Variants in REV3L observed in about 807,000 individuals in gnomAD.
The protein encoded by REV3L is REV3 like, DNA directed polymerase zeta catalytic subunit, also known as DNA polymerase zeta catalytic subunit.
Under a neutral mutation model 299.4 loss-of-function variants are expected in REV3L, and 69 were observed. That is an observed-to-expected ratio of 0.23 (90% CI 0.19 to 0.28). The LOEUF (loss-of-function observed/expected upper bound fraction) is 0.28, where lower values mean the gene tolerates loss of function less well. Ranked by LOEUF, REV3L falls within the 10% of genes least tolerant of loss-of-function variation. REV3L has a pLI of 1.00. For synonymous variants in REV3L, 1,238 were observed against 1,271.4 expected (o/e 0.97, Z 0.56); for missense variants, 3,128 against 3,693.8 (o/e 0.85, Z 3.97).
chr6:111,473,522 T>A (rs546721613), intron 1 of REV3L, among the ~76,000 whole-genome samples: 1,911 of 152,102 alleles, frequency 0.013, 26 homozygotes, highest in Non-Finnish European at 0.017. Flanking sequence ...CCTAAACTCC[T>A]TTTGCTATAA....
chr6:111,357,287 T>C (rs966058367), intron 17 of REV3L, among the ~76,000 whole-genome samples, 162 bp from the exon 18 acceptor site: 48 of 152,166 alleles, frequency 3.2e-4, no homozygotes, highest in Admixed American at 3.1e-3. Context: ...TAACTCAATG[T>C]CTTTAAAAAA....
At chr6:111,452,514 T>G (rs910638836) in intron 1 of REV3L, among the ~76,000 whole-genome samples, 2 of 152,136 alleles carry the variant, frequency 1.3e-5, no homozygotes, top group African/African-American at 4.8e-5. Flanking sequence ...AAACATTAAC[T>G]CATACGACAA....
chr6:111,377,851 A>T lies in REV3L; in HGVS notation c.1455-8T>A, dbSNP rs1266790021. On this transcript the variant is annotated splice_region_variant and splice_polypyrimidine_tract_variant and intron_variant, in intron 11 of 31. Coordinates refer to ENST00000368802, the MANE Select transcript of REV3L (RefSeq NM_001372078.1). ...GTATTTCTGCACAGTGATCTGGAGAACATTAAAATTCACTGGTGAGCATGA... is the reference window on the plus strand; with the variant it reads ...GTATTTCTGCACAGTGATCTGGAGATCATTAAAATTCACTGGTGAGCATGA... The T allele has an allele frequency of 1.9e-6, 3 of 1,602,822 alleles. No individual in the cohort carries two copies. Among genetic ancestry groups the T allele is most frequent in the Non-Finnish European group, 2.6e-6 (3 of 1,176,004 alleles).
upstream of REV3L, chr6:111,483,313 G>T: frequency 2.1e-6 from 1 of 485,870 alleles, no homozygotes; most frequent in South Asian, 3.1e-5. Flanking sequence ...GAAAAGGAGC[G>T]AGAGGGCGGG....
chr6:111,420,649 T>A (rs1358382723), intron 1 of REV3L, among the ~76,000 whole-genome samples: 1 of 152,168 alleles, frequency 6.6e-6, no homozygotes, highest in Non-Finnish European at 1.5e-5. Context: ...ATTTTCCAAT[T>A]TGATTGATGT....
chr6:111,432,431 C>G (rs1332377599), intron 1 of REV3L, among the ~76,000 whole-genome samples: 1 of 152,108 alleles, frequency 6.6e-6, no homozygotes. Flanking sequence ...ATAAAACAGA[C>G]TATCAAGACT....
In REV3L at chr6:111,377,863, A is replaced by G; in HGVS notation, c.1455-20T>C. The G allele has an allele frequency of 6.3e-7, 1 of 1,596,730 alleles. No individual in the cohort carries two copies. The highest frequency in any genetic ancestry group is 2.2e-5 in the East Asian group (1 of 44,606). On this transcript the variant is annotated intron_variant, in intron 11 of 31. Transcript: ENST00000368802. ...AGTGATCTGGAGAACATTAAAATTC[A>G]CTGGTGAGCATGATCATTAGTAAAG...
chr6:111,483,642 G>A (rs1047816820), upstream of REV3L: 2 of 432,330 alleles, frequency 4.6e-6, no homozygotes, highest in Non-Finnish European at 4.6e-6. Context: ...GGCGGGGGCA[G>A]CCGCTGAGAC....
intron 1 of REV3L, among the ~76,000 whole-genome samples, chr6:111,461,949 A>G (rs772357483): frequency 7.2e-5 from 11 of 152,328 alleles, no homozygotes; most frequent in Middle Eastern, 3.4e-3. Flanking sequence ...AACACACTAA[A>G]TAAAAGAGAC....
chr6:111,418,354 T>A (rs897353104), intron 1 of REV3L, among the ~76,000 whole-genome samples: 2 of 152,338 alleles, frequency 1.3e-5, no homozygotes, highest in South Asian at 2.1e-4. Flanking sequence ...AATTGGACTG[T>A]ATTAATAGTT....
chr6:111,324,999 C>T (rs1175108148), intron 25 of REV3L, among the ~76,000 whole-genome samples: 2 of 151,242 alleles, frequency 1.3e-5, no homozygotes, highest in African/African-American at 4.9e-5. Flanking sequence ...GTAGCTGGGA[C>T]TACAGGCACC....
intron 28 of REV3L, chr6:111,311,627 T>C (rs949145024): frequency 6.4e-6 from 1 of 155,358 alleles, no homozygotes; most frequent in Non-Finnish European, 1.4e-5. Context: ...TTTACCAGTA[T>C]AGAAAGGGTC....
In REV3L at chr6:111,381,272, C is replaced by T. The variant is rs1170839885; in HGVS notation, c.1216+53G>A. The T allele has an allele frequency of 2.5e-6, 4 of 1,586,444 alleles. No homozygotes were observed. In the African/African-American group the frequency reaches 4.1e-5, roughly 16 times the overall value. The stretch of plus-strand genomic sequence containing the variant: ...AAAAAAAAAATGCCTCTTCACAACA[C>T]ACATTTTCTCTGAATTACAATACTG... On this transcript the variant is annotated intron_variant, in intron 10 of 31. Transcript: ENST00000368802.
chr6:111,429,712 G>GCCTCGCGGGCCCCGCTCCCGC (rs1480400188), intron 1 of REV3L, among the ~76,000 whole-genome samples: 2 of 152,190 alleles, frequency 1.3e-5, no homozygotes, highest in African/African-American at 4.8e-5. Context: ...CTCGAGAGGG[G>GCCTCGCGGGCCCCGCTCCCGC]CCTCGCGGGC....
chr6:111,461,311 T>C (rs1271935446), intron 1 of REV3L, among the ~76,000 whole-genome samples: 1 of 152,006 alleles, frequency 6.6e-6, no homozygotes, highest in Non-Finnish European at 1.5e-5. Flanking sequence ...TTAACAAAAG[T>C]TTTAAAAGTA....
chr6:111,430,227 C>A (rs878877191), intron 1 of REV3L: 1 of 838,612 alleles, frequency 1.2e-6, no homozygotes, highest in Non-Finnish European at 2.1e-6. Context: ...AGAACAGATA[C>A]CCCACCCCTT....
At chr6:111,477,997 A>G in intron 1 of REV3L, among the ~76,000 whole-genome samples, 1 of 152,206 alleles carries the variant, frequency 6.6e-6, no homozygotes, top group East Asian at 1.9e-4. Context: ...AAAATCCCTA[A>G]AACTAGAATT....
intron 31 of REV3L, among the ~76,000 whole-genome samples, chr6:111,304,905 C>T (rs1403056813): frequency 2.6e-5 from 4 of 151,270 alleles, no homozygotes; most frequent in African/African-American, 7.3e-5. Flanking sequence ...CCAGCTGCAT[C>T]CATGTTGTTA....
At chr6:111,337,051 G>A (rs753988149) in intron 21 of REV3L, among the ~76,000 whole-genome samples, 1 of 151,432 alleles carries the variant, frequency 6.6e-6, no homozygotes, top group Non-Finnish European at 1.5e-5. Flanking sequence ...ATCAGCGGTT[G>A]TCTAAGGCAA....
Sources: gnomAD v4.1 joint callset for allele counts (sites outside exome capture counted in the v4.1 genomes callset) on GRCh38, gnomAD v4.1.1 for gene constraint, MANE v1.5 for transcripts, NCBI Gene and HGNC (gene_info 2026-07-23, HGNC 2026-07-21) for gene names.